THADA: variants seen among roughly 807,000 people sequenced by gnomAD.
THADA encodes tRNA (32-2'-O)-methyltransferase regulator THADA.
THADA carries 213 observed loss-of-function variants against 219.8 expected under a neutral mutation model. That is an observed-to-expected ratio of 0.97 (90% CI 0.87 to 1.09). The LOEUF (loss-of-function observed/expected upper bound fraction) is 1.09. Ranked by LOEUF, THADA falls within the 50% of genes least tolerant of loss-of-function variation. THADA has a pLI of 0.00. For missense variants in THADA, 2,956 were observed against 2,311.3 expected, an observed-to-expected ratio of 1.28 and a Z score of -5.72; for synonymous variants, 1,018 against 828.9, an observed-to-expected ratio of 1.23 and a Z score of -3.92.
At chr2:43,326,220 C>T (rs1216828600) in intron 30 of THADA, among the ~76,000 whole-genome samples, 1 of 148,486 alleles carries the variant, frequency 6.7e-6, no homozygotes, top group Non-Finnish European at 1.5e-5. Flanking sequence ...GGAAAACACA[C>T]AACCAGTCAT....
chr2:43,299,853 C>T (rs1379722388), intron 31 of THADA, among the ~76,000 whole-genome samples: 5 of 103,832 alleles, frequency 4.8e-5, no homozygotes, highest in Non-Finnish European at 9.8e-5. Flanking sequence ...ATGGCGAAAC[C>T]CCGCCTCTAC....
chr2:43,361,162 A>G (rs1669476212), intron 29 of THADA, among the ~76,000 whole-genome samples: 1 of 152,302 alleles, frequency 6.6e-6, no homozygotes, highest in East Asian at 1.9e-4. Context: ...CAAAATGTCA[A>G]TTGTGCTGAG....
rs750254692 is a variant in THADA at position 43,590,910 on chromosome 2, A to G, written c.216T>C (p.Asp72=). The G allele has an allele frequency of 2.3e-5, 37 of 1,613,672 alleles. No homozygotes were observed. The South Asian group carries it at 2.5e-4, about 11-fold the overall frequency. Residue 72 remains aspartate, a synonymous_variant, in exon 4 of 38, where the codon GAT becomes GAC. Coordinates refer to ENST00000405975, the MANE Select transcript of THADA (RefSeq NM_022065.5). ...TATCCAAACAACTTTGAATAGTGGGATCACACATGCCATTTTTATCTGCTT... is the reference window on the plus strand; with the variant it reads ...TATCCAAACAACTTTGAATAGTGGGGTCACACATGCCATTTTTATCTGCTT... ...LEKADKNGMC[D]PTIQSCLDIL...
chr2:43,257,107 AG>A (rs990933650), intron 36 of THADA, among the ~76,000 whole-genome samples: 1 of 151,980 alleles, frequency 6.6e-6, no homozygotes, highest in Non-Finnish European at 1.5e-5. Context: ...GTGGGTGGAG[AG>A]GGGGGATGGA....
chr2:43,403,609 C>T (rs1361284053), intron 28 of THADA, among the ~76,000 whole-genome samples: 1 of 152,130 alleles, frequency 6.6e-6, no homozygotes, highest in African/African-American at 2.4e-5. Flanking sequence ...ACATAATTAA[C>T]ATTCCCCCAG....
intron 30 of THADA, among the ~76,000 whole-genome samples, chr2:43,327,434 G>A (rs1045294822): frequency 6.2e-5 from 9 of 144,700 alleles, no homozygotes; most frequent in Non-Finnish European, 1.2e-4. Flanking sequence ...GAGAGGCAAA[G>A]GGAGAGAAGG....
At chr2:43,510,978 A>G (rs1690343569) in intron 22 of THADA, among the ~76,000 whole-genome samples, 1 of 150,108 alleles carries the variant, frequency 6.7e-6, no homozygotes, top group South Asian at 2.1e-4. Flanking sequence ...CTCAAAAAAA[A>G]CTAAAAAAAT....
chr2:43,574,985 T>A lies in THADA; in HGVS notation c.1080A>T (p.Leu360Phe). The A allele has an allele frequency of 6.2e-7, 1 of 1,613,832 alleles. No homozygotes were observed. Among genetic ancestry groups the A allele is most frequent in the Non-Finnish European group, 8.5e-7 (1 of 1,179,830 alleles). The change falls in exon 11 of 38, where the codon TTA (leucine) becomes TTT (phenylalanine). Residue 360 changes from leucine to phenylalanine, a missense_variant. Coordinates refer to ENST00000405975, the MANE Select transcript of THADA (RefSeq NM_022065.5). ...GTATGGCTGAATTAGTCCAGGATGC[T>A]AAGATTCTAGACAGAAACATTTCCA... is the stretch of plus-strand genomic sequence containing the variant. ...PTLEMFLSRI[L>F]ASWTNSAIQV...
intron 26 of THADA, among the ~76,000 whole-genome samples, chr2:43,465,811 T>A (rs1684161317): frequency 6.6e-6 from 1 of 152,148 alleles, no homozygotes; most frequent in Non-Finnish European, 1.5e-5. Context: ...ATAGATGTCA[T>A]TTTGGATCTG....
In THADA at chr2:43,551,937, A is replaced by C; in HGVS notation, c.2811-12T>G. The C allele has an allele frequency of 6.3e-7, 1 of 1,594,256 alleles. No individual in the cohort carries two copies. Among genetic ancestry groups the C allele is most frequent in the South Asian group, 1.2e-5 (1 of 86,558 alleles). Reference sequence around the variant, plus strand: ...CCAACTGCAGGCTGCTGCAACAAGGACATTAGGGAAATTTATACTAAAAGC... The same window carrying C: ...CCAACTGCAGGCTGCTGCAACAAGGCCATTAGGGAAATTTATACTAAAAGC... On this transcript the variant is annotated splice_polypyrimidine_tract_variant and intron_variant, in intron 18 of 37. Transcript: ENST00000405975.
intron 21 of THADA, among the ~76,000 whole-genome samples, chr2:43,537,578 T>C (rs1187034202): frequency 6.6e-6 from 1 of 152,202 alleles, no homozygotes. Flanking sequence ...TGTAGTTCAT[T>C]ACAGAAAATC....
chr2:43,264,911 G>A (rs13382655), intron 36 of THADA, among the ~76,000 whole-genome samples: 3,971 of 152,320 alleles, frequency 0.026, 92 homozygotes, highest in Admixed American at 0.084. Flanking sequence ...CACTTTGCTG[G>A]CACTGTTTTT....
chr2:43,298,351 A>G (rs1675836675), intron 31 of THADA, among the ~76,000 whole-genome samples: 1 of 106,486 alleles, frequency 9.4e-6, no homozygotes, highest in Non-Finnish European at 1.8e-5. Context: ...GGTTAAATGG[A>G]TTAAGGGCGG....
chr2:43,453,939 G>C (rs1337198952), intron 26 of THADA, among the ~76,000 whole-genome samples: 1 of 152,168 alleles, frequency 6.6e-6, no homozygotes, highest in African/African-American at 2.4e-5. Flanking sequence ...CTGTCACCCA[G>C]GCTGGAGTGC....
intron 36 of THADA, among the ~76,000 whole-genome samples, chr2:43,247,998 AC>A (rs1440132512): frequency 2.0e-5 from 3 of 151,430 alleles, no homozygotes; most frequent in Non-Finnish European, 4.4e-5. Context: ...AGCTGTGATC[AC>A]ACTGCTGTAC....
chr2:43,574,750 C>A lies in THADA; in HGVS notation c.1315G>T (p.Glu439Ter). The stretch of plus-strand genomic sequence containing the variant: ...AATCGTAAAAGACTCTCAGTCAATT[C>A]CACAAAGAAAGGATCAGGGACGAAA... The part of the protein sequence containing the change: ...ADFVPDPFFV[E>*]LTESLLRLEW... The change falls in exon 11 of 38, where the codon GAA becomes TAA. Residue 439 changes from glutamate (E) to a stop codon, truncating the protein, a stop_gained. Transcript: ENST00000405975. LOFTEE classifies it high-confidence loss of function. The A allele has an allele frequency of 6.2e-7, 1 of 1,613,986 alleles. No individual in the cohort carries two copies. The highest frequency in any genetic ancestry group is 8.5e-7 in the Non-Finnish European group (1 of 1,179,882).
intron 25 of THADA, among the ~76,000 whole-genome samples, chr2:43,494,467 AT>A (rs1371307430): frequency 6.6e-6 from 1 of 152,218 alleles, no homozygotes; most frequent in African/African-American, 2.4e-5. Context: ...CCTTCTTTGT[AT>A]TCTTAAAATA....
chr2:43,483,304 C>A (rs139926170), intron 26 of THADA, among the ~76,000 whole-genome samples: 3 of 152,118 alleles, frequency 2.0e-5, no homozygotes, highest in African/African-American at 7.2e-5. Context: ...TTGGAAGGAA[C>A]AGGCATATAA....
At chr2:43,537,796 T>A (rs1694793128) in intron 21 of THADA, among the ~76,000 whole-genome samples, 1 of 129,502 alleles carries the variant, frequency 7.7e-6, no homozygotes, top group South Asian at 2.6e-4. Context: ...TGAGATCCCG[T>A]CTCTACAAAA....
Sources: gnomAD v4.1 joint callset for allele counts (sites outside exome capture counted in the v4.1 genomes callset) on GRCh38, gnomAD v4.1.1 for gene constraint, MANE v1.5 for transcripts, NCBI Gene and HGNC (gene_info 2026-07-23, HGNC 2026-07-21) for gene names.